The following TJP3 variants were observed in gnomAD, a reference collection of about 807,000 sequenced individuals.
TJP3 encodes tight junction protein 3, also known as tight junction protein ZO-3.
Under a neutral mutation model 104.2 loss-of-function variants are expected in TJP3, and 85 were observed. That is an observed-to-expected ratio of 0.82 (90% CI 0.68 to 0.98). The LOEUF (loss-of-function observed/expected upper bound fraction) is 0.98, where lower values mean the gene tolerates loss of function less well. Ranked by LOEUF, TJP3 falls within the 50% of genes least tolerant of loss-of-function variation. TJP3 has a pLI of 0.00. For missense variants in TJP3, 1,367 were observed against 1,322.8 expected (o/e 1.03, Z -0.52); for synonymous variants, 550 against 550.6 (o/e 1.00, Z 0.02).
intron 1 of TJP3, among the ~76,000 whole-genome samples, chr19:3,711,580 A>G (rs2036434289): frequency 6.6e-6 from 1 of 151,144 alleles, no homozygotes; most frequent in Non-Finnish European, 1.5e-5. Flanking sequence ...CAAAATAGTA[A>G]AATCATTACT....
At chr19:3,721,770 G>A (rs922045361) in intron 1 of TJP3, 10 of 456,068 alleles carry the variant, frequency 2.2e-5, no homozygotes, top group African/African-American at 1.2e-4. Flanking sequence ...GGAGGAGGAC[G>A]AGAGCCCGGC....
At chr19:3,714,977 T>C (rs2036463596) in intron 1 of TJP3, among the ~76,000 whole-genome samples, 1 of 152,234 alleles carries the variant, frequency 6.6e-6, no homozygotes, top group African/African-American at 2.4e-5. Context: ...ACAAATGAAG[T>C]AGATTGCTGA....
chr19:3,730,389 C>T lies in TJP3; in HGVS notation c.296C>T (p.Ala99Val). Reference protein sequence around the residue: ...VKRPRRIHLPATKASPSSPGR... With the variant: ...VKRPRRIHLPVTKASPSSPGR... ...CGTCCCCGGAGGATCCACCTGCCCG[C>T]CACCAAAGCCAGCCCCTCCAGCCCA... is the stretch of plus-strand genomic sequence containing the variant. Residue 99 changes from alanine (A) to valine (V), a missense_variant, in exon 5 of 21, where the codon GCC becomes GTC. Physicochemically the swap from Ala to Val is moderately conservative, Grantham distance 64. Transcript: ENST00000541714. This position sits in a 1 kb window ranked among gnomAD's most constrained non-coding sequence, Gnocchi z 7.3. The T allele has an allele frequency of 6.4e-7, 1 of 1,555,958 alleles. No individual in the cohort carries two copies. The highest frequency in any genetic ancestry group is 2.3e-5 in the East Asian group (1 of 43,660).
In TJP3 at chr19:3,736,209, G is replaced by T; in HGVS notation, c.1172G>T (p.Ser391Ile). Residue 391 changes from serine to isoleucine, a missense_variant, in exon 11 of 21, where the codon AGC becomes ATC. By Grantham distance (142) the Ser-to-Ile change is moderately radical. Transcript: ENST00000541714. ...TRVVRFLKGK[S>I]IGLRLAGGND... Reference sequence around the variant, plus strand: ...GTGGTCCGCTTCCTCAAGGGCAAGAGCATCGGGCTGCGGCTGGCAGGGGGC... The same window carrying T: ...GTGGTCCGCTTCCTCAAGGGCAAGATCATCGGGCTGCGGCTGGCAGGGGGC... 6.3e-7 allele frequency: 1 copy of T among 1,597,478 alleles called. No individual in the cohort carries two copies. Among genetic ancestry groups the T allele is most frequent in the Admixed American group, 1.7e-5 (1 of 57,952 alleles).
rs986682172 is a variant in TJP3, at chr19:3,742,763, C to T, written c.1844-1176C>T. On this transcript the variant is annotated intron_variant, in intron 14 of 20. Transcript: ENST00000541714. Reference sequence around the variant, plus strand: ...GGTGGATCACCTGAGTTCGGGAGTTCGAGACCAGCCTGGCCAACGTGGTGA... The same window carrying T: ...GGTGGATCACCTGAGTTCGGGAGTTTGAGACCAGCCTGGCCAACGTGGTGA... Among the ~76,000 whole-genome samples the T allele has an allele frequency of 4.4e-4, 53 of 120,804 alleles. 2 individuals are homozygous for T. Among genetic ancestry groups the T allele is most frequent in the African/African-American group, 1.6e-3 (51 of 31,708 alleles). 79.3% of individuals were successfully genotyped at this position (120,804 alleles called of 152,430 possible).
chr19:3,750,590 A>AACG lies in TJP3; in HGVS notation c.2667_2669dup (p.Arg890dup), dbSNP rs2036980605. 1.2e-6 allele frequency: 2 copies of AACG among 1,604,826 alleles called. No individual in the cohort carries two copies. Among genetic ancestry groups the AACG allele is most frequent in the Non-Finnish European group, 1.7e-6 (2 of 1,175,422 alleles). ...TATTTCCTGATCCCCAGAACCTATGAACGGGAAGCCCTGAAGAAAAAGTTT... is the reference window on the plus strand; with the variant it reads ...TATTTCCTGATCCCCAGAACCTATGAACGACGGGAAGCCCTGAAGAAAAAGTTT... On this transcript the variant is annotated inframe_insertion, in exon 21 of 21. Coordinates refer to ENST00000541714, the MANE Select transcript of TJP3 (RefSeq NM_001267560.2).
intron 1 of TJP3, among the ~76,000 whole-genome samples, chr19:3,712,535 G>A (rs978351975): frequency 2.6e-5 from 4 of 152,126 alleles, no homozygotes; most frequent in African/African-American, 4.8e-5. Flanking sequence ...GGTCAAAACC[G>A]GGATCCCCGT....
At chr19:3,715,448 G>A (rs1192711546) in intron 1 of TJP3, among the ~76,000 whole-genome samples, 1 of 152,128 alleles carries the variant, frequency 6.6e-6, no homozygotes, top group Non-Finnish European at 1.5e-5. Context: ...GGAATAAGGG[G>A]CTTAAGGCTA....
Position 3,730,348 on chromosome 19 carries a change from C to T in TJP3, c.262-7C>T. The T allele has an allele frequency of 2.2e-5, 33 of 1,515,674 alleles. No homozygotes were observed. Among genetic ancestry groups the T allele is most frequent in the Non-Finnish European group, 2.8e-5 (32 of 1,130,858 alleles). 93.9% of individuals were successfully genotyped at this position (1,515,674 alleles called of 1,614,324 possible). On this transcript the variant is annotated splice_region_variant and splice_polypyrimidine_tract_variant and intron_variant, in intron 4 of 20. Coordinates refer to ENST00000541714, the MANE Select transcript of TJP3 (RefSeq NM_001267560.2). The surrounding 1 kb of genome is among the most constrained non-coding windows in gnomAD (Gnocchi z 7.3). ...TAGCTGACCCTTCCTGTCCCCTCCT[C>T]TAACAGACAGTGAAACGTCCCCGGA...
rs7251481 is a variant in TJP3 at position 3,732,757 on chromosome 19, G to A, written c.717+719G>A. Among the ~76,000 whole-genome samples, 135 of 151,176 alleles carry A rather than the reference G, an allele frequency of 8.9e-4. 3 individuals carry two copies. Among genetic ancestry groups the A allele is most frequent in the Non-Finnish European group, 1.3e-4 (9 of 67,790 alleles). On this transcript the variant is annotated intron_variant, in intron 6 of 20. Transcript: ENST00000541714. ...CTCCTGACCTCAGGTGATCCCCCCC[G>A]CTCGGCCTCCCAACGTGCTGGGATT...
At position 3,738,869 on chromosome 19, in the gene TJP3, A is replaced by C. The variant is rs1599158461; in HGVS notation, c.1394-28A>C. The stretch of plus-strand genomic sequence containing the variant: ...GCTCAGATCAGGCAGCAGCCCAGGC[A>C]GCTCATGTGGCCTCCCGCTCTCCCC... On this transcript the variant is annotated intron_variant, in intron 12 of 20. Coordinates refer to ENST00000541714, the MANE Select transcript of TJP3 (RefSeq NM_001267560.2). 4 of 1,540,562 alleles carry C rather than the reference A, an allele frequency of 2.6e-6. No homozygotes were observed. In the East Asian group the frequency reaches 9.1e-5, roughly 35 times the overall value.
At chr19:3,717,954 G>A (rs1013494539) in intron 1 of TJP3, among the ~76,000 whole-genome samples, 4 of 148,576 alleles carry the variant, frequency 2.7e-5, no homozygotes, top group Admixed American at 6.8e-5. Flanking sequence ...GATGGCTCAC[G>A]CCTATAATCC....
At chr19:3,725,711 A>AAAC (rs2036589595) in intron 1 of TJP3, among the ~76,000 whole-genome samples, 1 of 151,422 alleles carries the variant, frequency 6.6e-6, no homozygotes, top group Admixed American at 6.6e-5. Context: ...AAAAAAAAAA[A>AAAC]CTACACAAGG....
In TJP3 at chr19:3,734,359, GCAC is replaced by G. The variant is rs2036711733; in HGVS notation, c.916_918del (p.Pro306del). ...GGACCTCGCCTCGGAGCTATCGCAG[GCAC>G]CACCATCCCACATCCCACCACCACC... On this transcript the variant is annotated inframe_deletion, in exon 8 of 21. Transcript: ENST00000541714. 1 of 1,613,556 alleles carries G rather than the reference GCAC, an allele frequency of 6.2e-7. No homozygotes were observed. The highest frequency in any genetic ancestry group is 1.3e-5 in the African/African-American group (1 of 74,882).
At chr19:3,728,391 C>G (rs2036625115) in intron 1 of TJP3, 33 bp from the exon 2 acceptor site, 4 of 1,614,160 alleles carry the variant, frequency 2.5e-6, no homozygotes, top group Non-Finnish European at 3.4e-6. Context: ...CCTGTGTGGC[C>G]TCATGCCCAT....
At chr19:3,720,505 A>T (rs896723059) in intron 1 of TJP3, among the ~76,000 whole-genome samples, 7 of 151,582 alleles carry the variant, frequency 4.6e-5, no homozygotes, top group Non-Finnish European at 1.5e-5. Context: ...ACAACCTGGG[A>T]CTCCTGTCCC....
rs1390303999 is a variant in TJP3, at chr19:3,748,006, C to A, written c.2535C>A (p.Ser845=). 2 of 1,609,008 alleles carry A rather than the reference C, an allele frequency of 1.2e-6. No individual in the cohort carries two copies. The highest frequency in any genetic ancestry group is 8.5e-7 in the Non-Finnish European group (1 of 1,178,218). Residue 845 remains serine, a synonymous_variant, in exon 19 of 21, where the codon TCC becomes TCA. Transcript: ENST00000541714. ...CCCCGGCTCCAGCCCTGGCCCGGTC[C>A]TCGGAGCCCGTGCAGGCAGATGAGT... is the stretch of plus-strand genomic sequence containing the variant. The part of the protein sequence containing the change: ...DEPPAPALAR[S]SEPVQADESQ...
chr19:3,737,238 T>A (rs2036749758), intron 11 of TJP3, among the ~76,000 whole-genome samples: 1 of 152,176 alleles, frequency 6.6e-6, no homozygotes, highest in Admixed American at 6.5e-5. Flanking sequence ...ACATTCTTGT[T>A]ATCAATGTCA....
chr19:3,710,759 G>A (rs2036426464), intron 1 of TJP3, among the ~76,000 whole-genome samples: 1 of 151,974 alleles, frequency 6.6e-6, no homozygotes, highest in Admixed American at 6.6e-5. Context: ...TGGAGATTCA[G>A]CAGTGAGCAA....
Sources: gnomAD v4.1 joint callset for allele counts (sites outside exome capture counted in the v4.1 genomes callset) on GRCh38, gnomAD v4.1.1 for gene constraint, Gnocchi (gnomAD v3.1) non-coding constraint, MANE v1.5 for transcripts, NCBI Gene and HGNC (gene_info 2026-07-23, HGNC 2026-07-21) for gene names.